Variants in UTP25 observed in about 807,000 individuals in gnomAD.
UTP25 encodes UTP25 small subunit processome component.
A neutral mutation model predicts 78.9 loss-of-function variants in UTP25; 50 were observed. The observed-to-expected ratio is 0.63, with a 90% CI of 0.50 to 0.80. The LOEUF (loss-of-function observed/expected upper bound fraction) is 0.80. Among genes scored for constraint, UTP25 ranks in the 30% least tolerant of loss-of-function variants. The pLI, the probability that UTP25 is intolerant of heterozygous loss-of-function variation, is 0.00. For synonymous variants in UTP25, 329 were observed against 336.5 expected, an observed-to-expected ratio of 0.98 and a Z score of 0.24; for missense variants, 846 against 911.3, an observed-to-expected ratio of 0.93 and a Z score of 0.92.
intron 4 of UTP25, among the ~76,000 whole-genome samples, chr1:209,834,189 T>C (rs1448498533): frequency 6.6e-6 from 1 of 152,220 alleles, no homozygotes; most frequent in Non-Finnish European, 1.5e-5. Flanking sequence ...GTCCCATAAT[T>C]TCTGTGGTTG....
rs1041328511 is a variant in UTP25 at position 209,850,472 on chromosome 1, A to G, written c.2028-732A>G. On this transcript the variant is annotated intron_variant, in intron 11 of 11. Transcript: ENST00000491415. ...CAGTGTATGAGAGAAACTTAACAGG[A>G]AAAATCAGAAGCTTGTCAACATATA... Among the ~76,000 whole-genome samples the G allele has an allele frequency of 2.6e-5, 4 of 152,360 alleles. No homozygotes were observed. The East Asian group carries it at 7.7e-4, about 29-fold the overall frequency.
At chr1:209,831,755 G>A (rs749678960) in intron 3 of UTP25, among the ~76,000 whole-genome samples, 128 of 152,114 alleles carry the variant, frequency 8.4e-4, no homozygotes, top group Non-Finnish European at 1.6e-3. Context: ...CCACTGACCC[G>A]CCTTCTGTCA....
intron 11 of UTP25, among the ~76,000 whole-genome samples, chr1:209,846,627 G>A (rs2102580693): frequency 6.6e-6 from 1 of 152,304 alleles, no homozygotes; most frequent in South Asian, 2.1e-4. Context: ...ATAGACATGT[G>A]GAAGGTACTG....
intron 11 of UTP25, among the ~76,000 whole-genome samples, chr1:209,845,103 C>T (rs914065126): frequency 1.3e-5 from 2 of 152,176 alleles, no homozygotes; most frequent in Non-Finnish European, 2.9e-5. Flanking sequence ...AGATAACGTC[C>T]TTGTTCCCAG....
chr1:209,843,927 C>T (rs1435599684), intron 11 of UTP25: 11 of 563,122 alleles, frequency 2.0e-5, no homozygotes. Flanking sequence ...AAAGCATACC[C>T]TGTCTATAGA....
Position 209,843,005 on chromosome 1 carries a change from T to C in UTP25, c.1781+310T>C, listed in dbSNP as rs539364148. 6.8e-5 allele frequency: 25 copies of C among 367,772 alleles called. 1 individual carries two copies. In the East Asian group the frequency reaches 1.3e-3, roughly 19 times the overall value. The allele number at this position is 367,772 out of a possible 1,614,324, so 22.8% of individuals were successfully genotyped here. On this transcript the variant is annotated intron_variant, in intron 10 of 11. Coordinates refer to ENST00000491415, the MANE Select transcript of UTP25 (RefSeq NM_014388.7). Reference sequence around the variant, plus strand: ...AAAGTGTCTCATGTCAGCAAGTTAATTGTAAGCCCCTCAGGGAAAGAACTA... The same window carrying C: ...AAAGTGTCTCATGTCAGCAAGTTAACTGTAAGCCCCTCAGGGAAAGAACTA...
chr1:209,843,861 G>A, intron 11 of UTP25, 165 bp downstream of exon 11: 1 of 906,140 alleles, frequency 1.1e-6, no homozygotes, highest in African/African-American at 1.7e-5. Flanking sequence ...ACTCTTCTTG[G>A]TTGGTTAGTT....
intron 8 of UTP25, 56 bp downstream of exon 8, chr1:209,841,111 C>G: frequency 6.3e-7 from 1 of 1,579,564 alleles, no homozygotes; most frequent in South Asian, 1.1e-5. Flanking sequence ...AGGGATAAGA[C>G]ACCCAGTGGT....
chr1:209,832,645 G>A (rs2078109183), intron 3 of UTP25, among the ~76,000 whole-genome samples: 2 of 152,224 alleles, frequency 1.3e-5, no homozygotes, highest in African/African-American at 4.8e-5. Context: ...CACTTTGGGA[G>A]GCTGAGGCAG....
chr1:209,846,429 A>T (rs2078197180), intron 11 of UTP25, among the ~76,000 whole-genome samples: 1 of 152,134 alleles, frequency 6.6e-6, no homozygotes, highest in Non-Finnish European at 1.5e-5. Flanking sequence ...ACCAGGAGGC[A>T]AGTCAGAAAC....
At chr1:209,828,193 T>A in intron 1 of UTP25, 23 bp downstream of exon 1, 1 of 1,579,446 alleles carries the variant, frequency 6.3e-7, no homozygotes, top group Non-Finnish European at 8.7e-7. Flanking sequence ...GTGGCAGGGC[T>A]CCCCAGTCGC....
intron 11 of UTP25, chr1:209,843,955 G>A: frequency 2.1e-6 from 1 of 484,830 alleles, no homozygotes. Flanking sequence ...TGTAGCTGTG[G>A]TTATACACTG....
rs1229349614 is a variant in UTP25, at chr1:209,852,137, CA to C, written c.*692del. The stretch of plus-strand genomic sequence containing the variant: ...AACTCCATGTTAAAATATCCATCTT[CA>C]ACAGTAGTGTCTTCATAATAACTAG... On this transcript the variant is annotated 3_prime_UTR_variant, in exon 12 of 12. Coordinates refer to ENST00000491415, the MANE Select transcript of UTP25 (RefSeq NM_014388.7). 2 of 152,150 alleles carry C rather than the reference CA, an allele frequency of 1.3e-5. No homozygotes were observed. Among genetic ancestry groups the C allele is most frequent in the Non-Finnish European group, 2.9e-5 (2 of 68,032 alleles). The allele number at this position is 152,150 out of a possible 1,614,324, so 9.4% of individuals were successfully genotyped here. A position where few individuals can be genotyped will look rare whatever the true frequency, so the allele number is the denominator to read the frequency against.
chr1:209,835,017 G>A, intron 4 of UTP25, 58 bp from the exon 5 acceptor site: 1 of 1,353,862 alleles, frequency 7.4e-7, no homozygotes, highest in Non-Finnish European at 1.0e-6. Context: ...CACAGGGGAA[G>A]ACCACAAAAC....
In UTP25 at chr1:209,835,079, A is replaced by G; in HGVS notation, c.567A>G (p.Pro189=). 1 of 1,613,022 alleles carries G rather than the reference A, an allele frequency of 6.2e-7. No homozygotes were observed. Among genetic ancestry groups the G allele is most frequent in the Non-Finnish European group, 8.5e-7 (1 of 1,179,228 alleles). The change falls in exon 5 of 12, where the codon CCA becomes CCG. Residue 189 remains proline, a synonymous_variant. Coordinates refer to ENST00000491415, the MANE Select transcript of UTP25 (RefSeq NM_014388.7). ...CATTTTTTATTTCTGAATTAGATCC[A>G]TTTCTTCAACATGTGAACAAAGAAC... ...DNSSLKASQD[P]FLQHVNKELK...
intron 1 of UTP25, among the ~76,000 whole-genome samples, chr1:209,828,534 C>G (rs1034721195): frequency 6.0e-5 from 9 of 150,472 alleles, no homozygotes; most frequent in Admixed American, 6.0e-4. Context: ...TCCCGTGTAG[C>G]TGGGATTACA....
At chr1:209,828,235 T>C in intron 1 of UTP25, 65 bp downstream of exon 1, 1 of 1,280,306 alleles carries the variant, frequency 7.8e-7, no homozygotes, top group Non-Finnish European at 1.1e-6. Flanking sequence ...GGTCCTCTGG[T>C]CTCCCAGATA....
In UTP25 at chr1:209,849,747, G is replaced by A. The variant is rs142413309; in HGVS notation, c.2028-1457G>A. Among the ~76,000 whole-genome samples, 690 of 152,302 alleles carry A rather than the reference G, an allele frequency of 4.5e-3. 6 individuals carry two copies. Among genetic ancestry groups the A allele is most frequent in the African/African-American group, 0.016 (650 of 41,560 alleles). On this transcript the variant is annotated intron_variant, in intron 11 of 11. Coordinates refer to ENST00000491415, the MANE Select transcript of UTP25 (RefSeq NM_014388.7). ...TCCCTGGGGTCCTGAAGTCAGGCAA[G>A]CCTATTCTTGCCCTTTAAGAATGTG...
Position 209,833,359 on chromosome 1 carries a change from G to T in UTP25, c.562+1G>T, listed in dbSNP as rs2078114277. The T allele has an allele frequency of 6.5e-7, 1 of 1,544,712 alleles. No individual in the cohort carries two copies. Among genetic ancestry groups the T allele is most frequent in the African/African-American group, 1.4e-5 (1 of 71,862 alleles). Reference sequence around the variant, plus strand: ...AACTCTTCTTTGAAAGCCTCTCAAGGTCATAGCACAGTGTGTGTTATTTGA... The same window carrying T: ...AACTCTTCTTTGAAAGCCTCTCAAGTTCATAGCACAGTGTGTGTTATTTGA... On this transcript the variant is annotated splice_donor_variant, in intron 4 of 11. Transcript: ENST00000491415. LOFTEE classifies it high-confidence loss of function.
Sources: gnomAD v4.1 joint callset for allele counts (sites outside exome capture counted in the v4.1 genomes callset) on GRCh38, gnomAD v4.1.1 for gene constraint, MANE v1.5 for transcripts, NCBI Gene and HGNC (gene_info 2026-07-23, HGNC 2026-07-21) for gene names.